The following SUSD1 variants were observed in gnomAD, a reference collection of about 807,000 sequenced individuals.
SUSD1 encodes sushi domain-containing protein 1.
SUSD1 carries 65 observed loss-of-function variants against 86.9 expected under a neutral mutation model. The observed-to-expected ratio is 0.75, with a 90% CI of 0.61 to 0.92. The LOEUF (loss-of-function observed/expected upper bound fraction) is 0.92, where lower values mean the gene tolerates loss of function less well. Ranked by LOEUF, SUSD1 falls within the 40% of genes least tolerant of loss-of-function variation. The probability of loss-of-function intolerance (pLI) is 0.00; values close to 1 mark genes in which losing one functional copy is unlikely to be tolerated. For missense variants in SUSD1, 850 were observed against 929.7 expected, an observed-to-expected ratio of 0.91 and a Z score of 1.11; for synonymous variants, 346 against 350.0, an observed-to-expected ratio of 0.99 and a Z score of 0.13.
intron 2 of SUSD1, among the ~76,000 whole-genome samples, chr9:112,152,470 T>C (rs1401248945): frequency 6.6e-6 from 1 of 151,554 alleles, no homozygotes; most frequent in Non-Finnish European, 1.5e-5. Context: ...GGTGTGATCA[T>C]AGCTCACTGC....
rs1187744424 is a variant in SUSD1 at position 112,152,134 on chromosome 9, C to T, written c.218-2735G>A. Among the ~76,000 whole-genome samples the T allele has an allele frequency of 1.3e-4, 19 of 148,178 alleles. No homozygotes were observed. The East Asian group carries it at 3.4e-3, about 27-fold the overall frequency. On this transcript the variant is annotated intron_variant, in intron 2 of 16. Transcript: ENST00000374270. The stretch of plus-strand genomic sequence containing the variant: ...AGGAGAATCATTTGAACCCAGGAGG[C>T]GGAGGTTGCAGTGAGCCGAGATCGC...
chr9:112,065,407 C>T (rs902952336), intron 12 of SUSD1, among the ~76,000 whole-genome samples: 1 of 152,166 alleles, frequency 6.6e-6, no homozygotes, highest in Admixed American at 6.5e-5. Flanking sequence ...CCTCTGTAAT[C>T]CCAGCTACTC....
At chr9:112,119,183 A>T (rs1831450640) in intron 6 of SUSD1, among the ~76,000 whole-genome samples, 1 of 152,216 alleles carries the variant, frequency 6.6e-6, no homozygotes, top group African/African-American at 2.4e-5. Flanking sequence ...TTTTAAGAGG[A>T]TGAAATGAAA....
chr9:112,066,488 G>A (rs898094224), intron 12 of SUSD1, among the ~76,000 whole-genome samples: 13 of 152,150 alleles, frequency 8.5e-5, no homozygotes, highest in Non-Finnish European at 1.6e-4. Context: ...GAAGCCAGGC[G>A]AAATAGGCAG....
chr9:112,046,993 A>G (rs1827982748), intron 15 of SUSD1, among the ~76,000 whole-genome samples: 1 of 152,200 alleles, frequency 6.6e-6, no homozygotes, highest in East Asian at 1.9e-4. Flanking sequence ...AAGTTCAGGC[A>G]CATTGTGGCT....
At chr9:112,060,172 C>T (rs1347553271) in intron 13 of SUSD1, among the ~76,000 whole-genome samples, 3 of 152,144 alleles carry the variant, frequency 2.0e-5, no homozygotes, top group Admixed American at 1.3e-4. Context: ...GAAGAGGGAG[C>T]CCTCCTCCAC....
At chr9:112,156,576 T>TA (rs917743518) in intron 2 of SUSD1, among the ~76,000 whole-genome samples, 40 of 152,112 alleles carry the variant, frequency 2.6e-4, no homozygotes, top group African/African-American at 8.4e-4. Flanking sequence ...GTGGCTAATT[T>TA]AAAAAAAACT....
intron 15 of SUSD1, among the ~76,000 whole-genome samples, chr9:112,044,625 A>T (rs936004198): frequency 6.6e-6 from 1 of 152,260 alleles, no homozygotes; most frequent in Non-Finnish European, 1.5e-5. Context: ...AGAATCAAAT[A>T]ATTTTGATCA....
chr9:112,099,070 G>T (rs1830521888), intron 9 of SUSD1, among the ~76,000 whole-genome samples: 1 of 148,536 alleles, frequency 6.7e-6, no homozygotes. Context: ...TCTTTTCTGA[G>T]ACAGGGTCTT....
chr9:112,082,191 C>A (rs141650278), intron 10 of SUSD1, among the ~76,000 whole-genome samples: 8 of 152,260 alleles, frequency 5.3e-5, no homozygotes, highest in African/African-American at 1.9e-4. Context: ...AGAGACTCAA[C>A]TAATCAAACA....
In SUSD1 at chr9:112,143,323, T is replaced by C. The variant is rs1394948108; in HGVS notation, c.526+148A>G. ...ACATGGCCCCCTGTAACTTGATTGT[T>C]GTTATTTGCTTTATGTCATAGGTTG... On this transcript the variant is annotated intron_variant, in intron 4 of 16. Coordinates refer to ENST00000374270, the MANE Select transcript of SUSD1 (RefSeq NM_022486.5). 5.4e-6 allele frequency: 4 copies of C among 747,014 alleles called. No homozygotes were observed. In the African/African-American group the frequency reaches 7.2e-5, roughly 13 times the overall value. The allele number at this position is 747,014 out of a possible 1,614,324, so 46.3% of individuals were successfully genotyped here. A position where few individuals can be genotyped will look rare whatever the true frequency, so the allele number is the denominator to read the frequency against.
intron 8 of SUSD1, chr9:112,103,281 A>G (rs1830702869): frequency 3.0e-6 from 1 of 335,650 alleles, no homozygotes; most frequent in South Asian, 2.5e-5. Flanking sequence ...ATTCCTGCCT[A>G]TAATTGGAAA....
At chr9:112,121,483 G>C (rs965578173) in intron 6 of SUSD1, among the ~76,000 whole-genome samples, 1 of 152,144 alleles carries the variant, frequency 6.6e-6, no homozygotes, top group African/African-American at 2.4e-5. Flanking sequence ...AATTCCAAGA[G>C]GGTCATGCCG....
chr9:112,047,753 G>T (rs1442719557), intron 15 of SUSD1, among the ~76,000 whole-genome samples: 6 of 152,122 alleles, frequency 3.9e-5, no homozygotes, highest in Non-Finnish European at 1.5e-5. Flanking sequence ...CTTGCTTCCT[G>T]TGTCATCACA....
intron 10 of SUSD1, among the ~76,000 whole-genome samples, chr9:112,082,341 A>G (rs1829803006): frequency 6.6e-6 from 1 of 152,234 alleles, no homozygotes; most frequent in Non-Finnish European, 1.5e-5. Context: ...TGGAACCTGT[A>G]TGTTACCTTA....
chr9:112,149,856 G>T (rs1832968516), intron 2 of SUSD1, among the ~76,000 whole-genome samples: 1 of 152,080 alleles, frequency 6.6e-6, no homozygotes, highest in Non-Finnish European at 1.5e-5. Context: ...AAACACAATG[G>T]AATTAGTGCT....
At chr9:112,079,464 T>G (rs1829670713) in intron 11 of SUSD1, among the ~76,000 whole-genome samples, 1 of 152,186 alleles carries the variant, frequency 6.6e-6, no homozygotes, top group African/African-American at 2.4e-5. Context: ...TGCTAGAACC[T>G]GAGAACAGTT....
intron 7 of SUSD1, among the ~76,000 whole-genome samples, chr9:112,112,359 G>A (rs960702165): frequency 6.6e-6 from 1 of 152,212 alleles, no homozygotes; most frequent in Non-Finnish European, 1.5e-5. Flanking sequence ...TTGAGGCCAG[G>A]CGCGGTGGCT....
chr9:112,104,845 A>G (rs1480593715), intron 8 of SUSD1: 1 of 152,240 alleles, frequency 6.6e-6, no homozygotes, highest in Admixed American at 6.5e-5. Flanking sequence ...TGGGGGGGAA[A>G]AACTGCAAAA....
Sources: gnomAD v4.1 joint callset for allele counts (sites outside exome capture counted in the v4.1 genomes callset) on GRCh38, gnomAD v4.1.1 for gene constraint, MANE v1.5 for transcripts, NCBI Gene and HGNC (gene_info 2026-07-23, HGNC 2026-07-21) for gene names.